PDE3A: variants seen among roughly 807,000 people sequenced by gnomAD.
PDE3A encodes cGMP-inhibited 3',5'-cyclic phosphodiesterase 3A.
Under a neutral mutation model 98.3 loss-of-function variants are expected in PDE3A, and 43 were observed. That is an observed-to-expected ratio of 0.44 (90% CI 0.34 to 0.56). The LOEUF (loss-of-function observed/expected upper bound fraction) is 0.56. PDE3A is among the 20% of genes least tolerant of loss of function. The pLI, the probability that PDE3A is intolerant of heterozygous loss-of-function variation, is 0.01. For missense variants in PDE3A, 1,427 were observed against 1,440.7 expected, an observed-to-expected ratio of 0.99 and a Z score of 0.15; for synonymous variants, 663 against 567.9, an observed-to-expected ratio of 1.17 and a Z score of -2.38.
intron 1 of PDE3A, among the ~76,000 whole-genome samples, chr12:20,542,144 G>A (rs990733145): frequency 8.5e-5 from 13 of 152,144 alleles, no homozygotes; most frequent in African/African-American, 2.9e-4. Context: ...GTCTTTTGCT[G>A]AAGGTTTCTT....
chr12:20,449,478 C>T (rs1208566785), intron 1 of PDE3A, among the ~76,000 whole-genome samples: 1 of 151,756 alleles, frequency 6.6e-6, no homozygotes, highest in East Asian at 1.9e-4. Flanking sequence ...TACAGGTTGC[C>T]TAGACGACTT....
intron 2 of PDE3A, among the ~76,000 whole-genome samples, chr12:20,593,344 T>A (rs1017170779): frequency 6.6e-6 from 1 of 152,108 alleles, no homozygotes; most frequent in Non-Finnish European, 1.5e-5. Context: ...GGTTAAATGT[T>A]AACACACTTA....
chr12:20,580,568 G>A (rs1943038874), intron 2 of PDE3A, among the ~76,000 whole-genome samples: 1 of 152,160 alleles, frequency 6.6e-6, no homozygotes. Context: ...AAAGCATTTA[G>A]TCAAATTAGG....
chr12:20,458,398 A>G (rs1241287045), intron 1 of PDE3A, among the ~76,000 whole-genome samples: 1 of 151,980 alleles, frequency 6.6e-6, no homozygotes, highest in Admixed American at 6.6e-5. Flanking sequence ...AAAAAAACCA[A>G]TTTTGGGTTG....
chr12:20,391,392 C>T (rs1374691528), intron 1 of PDE3A, among the ~76,000 whole-genome samples: 2 of 140,006 alleles, frequency 1.4e-5, no homozygotes, highest in African/African-American at 2.5e-5. Flanking sequence ...TATATATACA[C>T]ACACACATAC....
At chr12:20,463,873 A>G (rs1442156034) in intron 1 of PDE3A, among the ~76,000 whole-genome samples, 1 of 152,112 alleles carries the variant, frequency 6.6e-6, no homozygotes, top group African/African-American at 2.4e-5. Flanking sequence ...TTGTGTGTAT[A>G]TGTATTGTAT....
At chr12:20,426,005 C>G (rs11045236) in intron 1 of PDE3A, among the ~76,000 whole-genome samples, 10 of 151,884 alleles carry the variant, frequency 6.6e-5, no homozygotes, top group Non-Finnish European at 1.3e-4. Context: ...AAAATTATTT[C>G]GAGCTCTTAG....
At chr12:20,583,265 A>T (rs1006615099) in intron 2 of PDE3A, among the ~76,000 whole-genome samples, 2 of 152,332 alleles carry the variant, frequency 1.3e-5, no homozygotes, top group South Asian at 4.1e-4. Context: ...ATTTTATTTT[A>T]AAAACTTTAT....
intron 2 of PDE3A, among the ~76,000 whole-genome samples, chr12:20,613,020 T>C (rs1046589559): frequency 2.6e-5 from 4 of 152,106 alleles, no homozygotes; most frequent in African/African-American, 9.7e-5. Context: ...CAGGTTCAAG[T>C]GTCACATTAA....
intron 2 of PDE3A, among the ~76,000 whole-genome samples, chr12:20,583,505 T>C (rs1482964886): frequency 6.6e-6 from 1 of 152,164 alleles, no homozygotes; most frequent in Admixed American, 6.5e-5. Flanking sequence ...TGGTACTTTG[T>C]AGAAGCTAAT....
chr12:20,618,399 G>T (rs1382115806), intron 4 of PDE3A, among the ~76,000 whole-genome samples: 1 of 147,236 alleles, frequency 6.8e-6, no homozygotes, highest in African/African-American at 2.5e-5. Context: ...TTTCTTTGAG[G>T]AAGGACTACA....
At chr12:20,436,733 T>C (rs1331609574) in intron 1 of PDE3A, among the ~76,000 whole-genome samples, 2 of 152,216 alleles carry the variant, frequency 1.3e-5, no homozygotes, top group African/African-American at 4.8e-5. Context: ...ATAGTCTTTT[T>C]CTCTCGTAGA....
intron 1 of PDE3A, among the ~76,000 whole-genome samples, chr12:20,521,421 G>A (rs1946424309): frequency 6.6e-6 from 1 of 152,118 alleles, no homozygotes; most frequent in African/African-American, 2.4e-5. Context: ...AGGTAAGTGA[G>A]TTTAAATGAA....
At chr12:20,610,253 T>C (rs1229889152) in intron 2 of PDE3A, among the ~76,000 whole-genome samples, 1 of 151,974 alleles carries the variant, frequency 6.6e-6, no homozygotes, top group Non-Finnish European at 1.5e-5. Flanking sequence ...CAGACATTTC[T>C]CCAAAGAAGA....
intron 2 of PDE3A, among the ~76,000 whole-genome samples, chr12:20,596,017 T>A (rs1341863818): frequency 2.6e-5 from 4 of 152,210 alleles, no homozygotes; most frequent in Admixed American, 2.6e-4. Context: ...ATCTTATGAT[T>A]ATAATTTTAA....
chr12:20,661,823 G>A (rs577635134), intron 15 of PDE3A, among the ~76,000 whole-genome samples: 1 of 152,284 alleles, frequency 6.6e-6, no homozygotes, highest in South Asian at 2.1e-4. Context: ...ACCTCTGCTA[G>A]GGCAGTGTGG....
At chr12:20,409,742 A>G (rs1944300125) in intron 1 of PDE3A, among the ~76,000 whole-genome samples, 1 of 152,180 alleles carries the variant, frequency 6.6e-6, no homozygotes, top group Non-Finnish European at 1.5e-5. Context: ...CCACAAATCA[A>G]ACCAATACAA....
intron 5 of PDE3A, among the ~76,000 whole-genome samples, chr12:20,623,057 C>T (rs1172571388): frequency 6.6e-6 from 1 of 151,980 alleles, no homozygotes; most frequent in African/African-American, 2.4e-5. Context: ...AAAGACATAA[C>T]TGCAGAGCAG....
At chr12:20,430,550 G>T (rs892247858) in intron 1 of PDE3A, among the ~76,000 whole-genome samples, 2 of 151,968 alleles carry the variant, frequency 1.3e-5, no homozygotes, top group African/African-American at 4.8e-5. Context: ...TAATTGTTTT[G>T]GGGGCAGGGT....
Sources: gnomAD v4.1 joint callset for allele counts (sites outside exome capture counted in the v4.1 genomes callset) on GRCh38, gnomAD v4.1.1 for gene constraint, MANE v1.5 for transcripts, NCBI Gene and HGNC (gene_info 2026-07-23, HGNC 2026-07-21) for gene names.